ATP9B: variants seen among roughly 807,000 people sequenced by gnomAD.
The protein encoded by ATP9B is probable phospholipid-transporting ATPase IIB.
ATP9B carries 110 observed loss-of-function variants against 146.1 expected under a neutral mutation model. The observed-to-expected ratio is 0.75, with a 90% CI of 0.65 to 0.88. ATP9B has a LOEUF of 0.88. Ranked by LOEUF, ATP9B falls within the 40% of genes least tolerant of loss-of-function variation. ATP9B has a pLI of 0.00. For synonymous variants in ATP9B, 604 were observed against 569.7 expected (o/e 1.06, Z -0.86); for missense variants, 1,499 against 1,496.4 (o/e 1.00, Z -0.03).
chr18:79,203,704 T>G (rs1171731173), intron 9 of ATP9B, among the ~76,000 whole-genome samples: 1 of 152,200 alleles, frequency 6.6e-6, no homozygotes, highest in Non-Finnish European at 1.5e-5. Context: ...TTTAAAATGA[T>G]AAATAGGGAA....
At chr18:79,234,809 T>C (rs1368414542) in intron 11 of ATP9B, among the ~76,000 whole-genome samples, 1 of 152,214 alleles carries the variant, frequency 6.6e-6, no homozygotes, top group Non-Finnish European at 1.5e-5. Flanking sequence ...CACGTTCAGC[T>C]CTATGTATAA....
chr18:79,365,477 C>G (rs2097021123), intron 26 of ATP9B, among the ~76,000 whole-genome samples: 1 of 152,254 alleles, frequency 6.6e-6, no homozygotes, highest in South Asian at 2.1e-4. Context: ...GTATTTACCC[C>G]ATGACCCAGT....
intron 11 of ATP9B, among the ~76,000 whole-genome samples, chr18:79,242,782 CAT>C (rs1484486005): frequency 2.6e-5 from 4 of 152,190 alleles, no homozygotes; most frequent in African/African-American, 9.7e-5. Context: ...TGAAATGGCT[CAT>C]AAAGTGTCTC....
chr18:79,375,581 C>T (rs1272123726), intron 29 of ATP9B, 155 bp downstream of exon 29: 2 of 984,582 alleles, frequency 2.0e-6, no homozygotes, highest in Admixed American at 6.1e-5. Context: ...TGTGCTTGCT[C>T]GGCTAGTCAT....
chr18:79,101,178 C>T (rs1255185560), intron 2 of ATP9B, among the ~76,000 whole-genome samples: 2 of 152,010 alleles, frequency 1.3e-5, no homozygotes, highest in Non-Finnish European at 2.9e-5. Context: ...GATGCAGAAC[C>T]ATTCCAACCC....
intron 2 of ATP9B, among the ~76,000 whole-genome samples, chr18:79,103,705 C>T (rs1473832883): frequency 6.6e-6 from 1 of 152,040 alleles, no homozygotes; most frequent in Non-Finnish European, 1.5e-5. Flanking sequence ...TGGTAGAGAT[C>T]ATCAATAATC....
At chr18:79,181,075 T>TG (rs972739685) in intron 8 of ATP9B, among the ~76,000 whole-genome samples, 9 of 151,806 alleles carry the variant, frequency 5.9e-5, no homozygotes, top group East Asian at 5.8e-4. Context: ...CCTCCCAAAG[T>TG]GGGGGATTAA....
chr18:79,200,095 C>T (rs2095454093), intron 9 of ATP9B, among the ~76,000 whole-genome samples: 1 of 152,170 alleles, frequency 6.6e-6, no homozygotes, highest in African/African-American at 2.4e-5. Context: ...ATTGTATGCA[C>T]TAGACTTTCA....
intron 7 of ATP9B, among the ~76,000 whole-genome samples, chr18:79,172,718 A>C (rs4520901): frequency 0.067 from 10,267 of 152,322 alleles, 414 homozygotes; most frequent in Non-Finnish European, 0.095. Context: ...TAGTTTGTTC[A>C]TTTTTTACTG....
chr18:79,112,249 G>T (rs1166390582), intron 3 of ATP9B, among the ~76,000 whole-genome samples: 1 of 152,184 alleles, frequency 6.6e-6, no homozygotes, highest in Admixed American at 6.5e-5. Flanking sequence ...CATCCAAAGA[G>T]ATTGTGATTT....
intron 1 of ATP9B, among the ~76,000 whole-genome samples, chr18:79,079,594 G>T (rs192213374): frequency 7.2e-5 from 11 of 152,222 alleles, no homozygotes; most frequent in African/African-American, 2.6e-4. Context: ...CATTCTATAG[G>T]TTGCCTGTTC....
intron 15 of ATP9B, among the ~76,000 whole-genome samples, chr18:79,324,433 A>G (rs1380236145): frequency 6.6e-6 from 1 of 152,044 alleles, no homozygotes; most frequent in Non-Finnish European, 1.5e-5. Context: ...TTCAAATTTG[A>G]TTAGTGGTTT....
intron 16 of ATP9B, among the ~76,000 whole-genome samples, chr18:79,329,792 C>G (rs972579498): frequency 2.0e-5 from 3 of 152,214 alleles, no homozygotes; most frequent in African/African-American, 4.8e-5. Context: ...AGACCTTCAG[C>G]CTAGCATCTC....
At chr18:79,251,962 G>A (rs915526514) in intron 11 of ATP9B, among the ~76,000 whole-genome samples, 1 of 152,236 alleles carries the variant, frequency 6.6e-6, no homozygotes, top group Non-Finnish European at 1.5e-5. Context: ...TCAGAAATAA[G>A]TAGGTAAGTT....
In ATP9B at chr18:79,253,471, G is replaced by A. The variant is rs2096050340; in HGVS notation, c.1198G>A (p.Gly400Arg). 3.1e-6 allele frequency: 5 copies of A among 1,613,468 alleles called. No individual in the cohort carries two copies. Among genetic ancestry groups the A allele is most frequent in the Middle Eastern group, 1.7e-4 (1 of 6,060 alleles). The change falls in exon 12 of 30, where the codon GGA becomes AGA. Residue 400 changes from glycine to arginine, a missense_variant. Gly to Arg is a moderately radical substitution (Grantham distance 125, BLOSUM62 -2). Coordinates refer to ENST00000426216, the MANE Select transcript of ATP9B (RefSeq NM_198531.5). ...TTCCATTGTTATGGTAACCTTACAA[G>A]GATTTGTGGGTCCATGGTACCGCAA... ...ALSIVMVTLQ[G>R]FVGPWYRNLF...
intron 1 of ATP9B, among the ~76,000 whole-genome samples, chr18:79,086,752 G>T (rs1311841413): frequency 6.6e-6 from 1 of 152,056 alleles, no homozygotes; most frequent in Non-Finnish European, 1.5e-5. Context: ...CAGTTTTCTT[G>T]TAGAACATTT....
chr18:79,092,050 T>C (rs2074366571), intron 1 of ATP9B, among the ~76,000 whole-genome samples: 1 of 152,216 alleles, frequency 6.6e-6, no homozygotes, highest in Admixed American at 6.5e-5. Context: ...TATATTAATA[T>C]AGCTACTTGG....
intron 11 of ATP9B, among the ~76,000 whole-genome samples, chr18:79,244,979 G>T (rs1376582001): frequency 6.6e-6 from 1 of 151,984 alleles, no homozygotes; most frequent in African/African-American, 2.4e-5. Context: ...TATATGCTTT[G>T]GGGCAAGAAG....
chr18:79,200,022 A>G (rs2095453102), intron 9 of ATP9B, among the ~76,000 whole-genome samples: 1 of 152,244 alleles, frequency 6.6e-6, no homozygotes, highest in African/African-American at 2.4e-5. Flanking sequence ...AGTGATAAAA[A>G]GTATAGTAAC....
Sources: gnomAD v4.1 joint callset for allele counts (sites outside exome capture counted in the v4.1 genomes callset) on GRCh38, gnomAD v4.1.1 for gene constraint, MANE v1.5 for transcripts, NCBI Gene and HGNC (gene_info 2026-07-23, HGNC 2026-07-21) for gene names.